TP63: variants seen among roughly 807,000 people sequenced by gnomAD.
TP63 encodes tumor protein 63.
TP63 carries 17 observed loss-of-function variants against 82.8 expected under a neutral mutation model. That is an observed-to-expected ratio of 0.21 (90% CI 0.14 to 0.31). The LOEUF (loss-of-function observed/expected upper bound fraction) is 0.31. Among genes scored for constraint, TP63 ranks in the 10% least tolerant of loss-of-function variants. TP63 has a pLI of 1.00. For synonymous variants in TP63, 330 were observed against 321.7 expected (o/e 1.03, Z -0.28); for missense variants, 648 against 895.3 (o/e 0.72, Z 3.52).
intron 1 of TP63, among the ~76,000 whole-genome samples, chr3:189,722,315 G>A (rs1161632297): frequency 6.6e-6 from 1 of 152,210 alleles, no homozygotes; most frequent in Non-Finnish European, 1.5e-5. Flanking sequence ...GGAATTGGCA[G>A]GTAAGGAAAA....
chr3:189,725,635 G>C (rs1719719011), intron 1 of TP63, among the ~76,000 whole-genome samples: 1 of 152,152 alleles, frequency 6.6e-6, no homozygotes, highest in Admixed American at 6.5e-5. Flanking sequence ...TTAGCAATAT[G>C]GGGGCAGATG....
chr3:189,845,605 C>T (rs1191996803), intron 4 of TP63, among the ~76,000 whole-genome samples: 3 of 151,314 alleles, frequency 2.0e-5, no homozygotes, highest in East Asian at 1.9e-4. Context: ...CTAATATGTT[C>T]GTTGGTGTAT....
intron 1 of TP63, among the ~76,000 whole-genome samples, chr3:189,633,625 C>T (rs1729595282): frequency 1.3e-5 from 2 of 151,998 alleles, no homozygotes; most frequent in African/African-American, 2.4e-5. Context: ...ATGCCCTGGG[C>T]TTTAATCATG....
chr3:189,660,486 T>A (rs1398460483), intron 1 of TP63, among the ~76,000 whole-genome samples: 1 of 152,076 alleles, frequency 6.6e-6, no homozygotes, highest in Non-Finnish European at 1.5e-5. Flanking sequence ...TAGTTTAAAG[T>A]TGGGTAATGT....
intron 3 of TP63, among the ~76,000 whole-genome samples, chr3:189,774,351 A>C (rs13065563): frequency 6.6e-6 from 1 of 152,134 alleles, no homozygotes; most frequent in Non-Finnish European, 1.5e-5. Context: ...AACGAACTGC[A>C]TTTCCTGTAG....
chr3:189,604,778 C>A, the TP63 span, among the ~76,000 whole-genome samples: 1 of 152,066 alleles, frequency 6.6e-6, no homozygotes, highest in Admixed American at 6.6e-5. Context: ...ATTGGAAAAC[C>A]ACCTTTACAG....
intron 4 of TP63, among the ~76,000 whole-genome samples, chr3:189,811,881 A>C (rs1727606675): frequency 6.6e-6 from 1 of 152,210 alleles, no homozygotes; most frequent in South Asian, 2.1e-4. Context: ...GTGCCTGTGT[A>C]GTTTGGAGCT....
At chr3:189,703,768 A>G (rs1258738166) in intron 1 of TP63, among the ~76,000 whole-genome samples, 1 of 152,188 alleles carries the variant, frequency 6.6e-6, no homozygotes, top group Non-Finnish European at 1.5e-5. Context: ...TTCTCTAAAG[A>G]CAAGGAAATA....
intron 1 of TP63, among the ~76,000 whole-genome samples, chr3:189,702,733 T>C (rs1717908380): frequency 6.6e-6 from 1 of 152,228 alleles, no homozygotes; most frequent in Admixed American, 6.5e-5. Flanking sequence ...AGACATGAAT[T>C]TGAGTTTTAC....
At chr3:189,809,533 G>A (rs1727303494) in intron 4 of TP63, among the ~76,000 whole-genome samples, 2 of 150,508 alleles carry the variant, frequency 1.3e-5, no homozygotes, top group Admixed American at 1.3e-4. Context: ...AGACCAAAGT[G>A]GTATGTTTGT....
At chr3:189,838,672 A>G (rs1417043338) in intron 4 of TP63, among the ~76,000 whole-genome samples, 9 of 152,156 alleles carry the variant, frequency 5.9e-5, no homozygotes, top group African/African-American at 1.7e-4. Context: ...AGATGTCTCA[A>G]AATTGTTTCA....
chr3:189,750,513 G>T (rs564805037), intron 3 of TP63, among the ~76,000 whole-genome samples: 2 of 152,240 alleles, frequency 1.3e-5, no homozygotes, highest in East Asian at 3.9e-4. Flanking sequence ...AATACTCAAG[G>T]TATCGAATAC....
At chr3:189,764,888 G>C (rs1576903676) in intron 3 of TP63, among the ~76,000 whole-genome samples, 1 of 152,194 alleles carries the variant, frequency 6.6e-6, no homozygotes, top group Admixed American at 6.5e-5. Flanking sequence ...TCCTGGAATG[G>C]AGCGCACTTT....
chr3:189,868,479 G>T (rs981457642), intron 7 of TP63, 101 bp from the exon 8 acceptor site: 1 of 1,536,884 alleles, frequency 6.5e-7, no homozygotes, highest in Admixed American at 1.9e-5. Context: ...CTGGTAGTAC[G>T]TTGGCGATGG....
chr3:189,618,822 T>A, the TP63 span, among the ~76,000 whole-genome samples: 1 of 152,184 alleles, frequency 6.6e-6, no homozygotes, highest in Non-Finnish European at 1.5e-5. Flanking sequence ...AGCCATGTCC[T>A]CTTCCCTCAG....
chr3:189,792,245 A>G (rs1230428898), intron 3 of TP63, among the ~76,000 whole-genome samples: 1 of 152,052 alleles, frequency 6.6e-6, no homozygotes, highest in Non-Finnish European at 1.5e-5. Flanking sequence ...TATAACAGGC[A>G]AGGCTGAAGG....
rs547786001 is a variant in TP63 at position 189,709,698 on chromosome 3, C to T, written c.63-28042C>T. Among the ~76,000 whole-genome samples, 7 of 152,168 alleles carry T rather than the reference C, an allele frequency of 4.6e-5. No individual in the cohort carries two copies. In the South Asian group the frequency reaches 1.5e-3, roughly 32 times the overall value. On this transcript the variant is annotated intron_variant, in intron 1 of 13. Transcript: ENST00000264731. ...CAGGTGCTTTTTACATTTATGCTGT[C>T]CTCAATAAATGTTCTTCAGATCATT...
At chr3:189,664,596 C>G (rs867124143) in intron 1 of TP63, among the ~76,000 whole-genome samples, 1 of 152,036 alleles carries the variant, frequency 6.6e-6, no homozygotes, top group South Asian at 2.1e-4. Context: ...GTCATTTTTT[C>G]AGTTTTTATT....
chr3:189,744,217 C>T (rs139589416), intron 3 of TP63, among the ~76,000 whole-genome samples: 1 of 152,274 alleles, frequency 6.6e-6, no homozygotes, highest in African/African-American at 2.4e-5. Flanking sequence ...TTTCATGTGC[C>T]TCAGGACAAA....
Sources: allele counts gnomAD v4.1 joint callset (sites outside exome capture counted in the v4.1 genomes callset), GRCh38; gene constraint gnomAD v4.1.1; transcripts MANE v1.5; gene names NCBI Gene and HGNC (gene_info 2026-07-23, HGNC 2026-07-21).